The following RPS6KA2 variants were observed in gnomAD, a reference collection of about 807,000 sequenced individuals.
The protein encoded by RPS6KA2 is ribosomal protein S6 kinase A2.
Under a neutral mutation model 91.8 loss-of-function variants are expected in RPS6KA2, and 42 were observed. That is an observed-to-expected ratio of 0.46 (90% confidence interval 0.36 to 0.59). The LOEUF (loss-of-function observed/expected upper bound fraction) is 0.59, where lower values mean the gene tolerates loss of function less well. RPS6KA2 is among the 20% of genes least tolerant of loss of function. The pLI is 0.00. For synonymous variants in RPS6KA2, 414 were observed against 393.6 expected, an observed-to-expected ratio of 1.05 and a Z score of -0.61; for missense variants, 798 against 978.5, an observed-to-expected ratio of 0.82 and a Z score of 2.46.
At chr6:166,838,904 A>G (rs1343356355) in intron 2 of RPS6KA2, among the ~76,000 whole-genome samples, 1 of 137,740 alleles carries the variant, frequency 7.3e-6, no homozygotes, top group Non-Finnish European at 1.5e-5. Flanking sequence ...GGAAGGCAGC[A>G]GGTCAGAGTC....
Position 166,719,320 on chromosome 6 carries a change from T to G in RPS6KA2, c.123+138880A>C, listed in dbSNP as rs1010416136. 4.6e-5 allele frequency among the ~76,000 whole-genome samples: 7 copies of G among 152,374 alleles called. 1 individual carries two copies. The highest frequency in any genetic ancestry group is 4.1e-4 in the South Asian group (2 of 4,832). On this transcript the variant is annotated intron_variant, in intron 2 of 21. Transcript: ENST00000503859. ...TCCACAAATGCTTATTTATGGACAT[T>G]GAGATTTGAATTTCATACAATTTTT... is the stretch of plus-strand genomic sequence containing the variant.
intron 2 of RPS6KA2, among the ~76,000 whole-genome samples, chr6:166,756,441 C>T (rs757604355): frequency 6.6e-6 from 1 of 152,228 alleles, no homozygotes; most frequent in Non-Finnish European, 1.5e-5. Flanking sequence ...TTACACTTAA[C>T]AGCAATTTCT....
At chr6:166,606,744 A>G (rs1479940835) in intron 1 of RPS6KA2, among the ~76,000 whole-genome samples, 1 of 152,238 alleles carries the variant, frequency 6.6e-6, no homozygotes, top group Admixed American at 6.5e-5. Context: ...GATGCTCTAC[A>G]TCATTTGTCA....
chr6:166,470,890 T>C (rs1323924281), intron 10 of RPS6KA2, among the ~76,000 whole-genome samples: 1 of 152,224 alleles, frequency 6.6e-6, no homozygotes, highest in Non-Finnish European at 1.5e-5. Context: ...TCTAGGACTC[T>C]GTGTTTTCTC....
At chr6:166,546,256 G>C (rs1783824692) in intron 1 of RPS6KA2, among the ~76,000 whole-genome samples, 2 of 152,170 alleles carry the variant, frequency 1.3e-5, no homozygotes, top group African/African-American at 2.4e-5. Context: ...CACGAATGCA[G>C]ATTAGGTCAA....
intron 2 of RPS6KA2, among the ~76,000 whole-genome samples, chr6:166,780,971 C>T (rs776724351): frequency 1.3e-5 from 2 of 152,236 alleles, no homozygotes; most frequent in Admixed American, 6.5e-5. Context: ...GATATTCGGA[C>T]ACTTCGCTAG....
At chr6:166,591,774 G>C (rs1785362082) in intron 1 of RPS6KA2, among the ~76,000 whole-genome samples, 2 of 152,204 alleles carry the variant, frequency 1.3e-5, no homozygotes, top group African/African-American at 4.8e-5. Flanking sequence ...GTTTCTTACA[G>C]TAGCCCCAGA....
intron 2 of RPS6KA2, among the ~76,000 whole-genome samples, chr6:166,718,322 A>G (rs1030292981): frequency 6.6e-6 from 1 of 152,178 alleles, no homozygotes; most frequent in Non-Finnish European, 1.5e-5. Context: ...GGGGGAGGTT[A>G]GTCCCCACAG....
intron 2 of RPS6KA2, among the ~76,000 whole-genome samples, chr6:166,719,079 G>A (rs946211276): frequency 6.6e-6 from 1 of 152,200 alleles, no homozygotes; most frequent in Non-Finnish European, 1.5e-5. Context: ...CACAACCTCT[G>A]TCACGCCTGC....
rs1781758362 is a variant in RPS6KA2 at position 166,495,659 on chromosome 6, T to C, written c.747+2849A>G. On this transcript the variant is annotated intron_variant, in intron 8 of 20. Coordinates refer to ENST00000265678, the MANE Select transcript of RPS6KA2 (RefSeq NM_021135.6). This position sits in a 1 kb window ranked among gnomAD's most constrained non-coding sequence, Gnocchi z 4.4. ...GGCCAGGTGCAGGCACTTTTGTCTG[T>C]GCTGGGGCATCTTGGGTAAGGTGAC... Among the ~76,000 whole-genome samples, 1 of 152,180 alleles carries C rather than the reference T, an allele frequency of 6.6e-6. No individual in the cohort carries two copies. The highest frequency in any genetic ancestry group is 2.4e-5 in the African/African-American group (1 of 41,432).
At chr6:166,439,264 T>C (rs1216132934) in intron 14 of RPS6KA2, among the ~76,000 whole-genome samples, 3 of 152,164 alleles carry the variant, frequency 2.0e-5, no homozygotes, top group African/African-American at 4.8e-5. Context: ...CGCGCCACCA[T>C]GCCTGGCTAA....
intron 2 of RPS6KA2, among the ~76,000 whole-genome samples, chr6:166,689,704 A>G (rs771585568): frequency 6.6e-6 from 1 of 152,190 alleles, no homozygotes; most frequent in Non-Finnish European, 1.5e-5. Flanking sequence ...GGGCATTTTA[A>G]TAAATGTCCC....
At chr6:166,604,235 G>A (rs1482914244) in intron 1 of RPS6KA2, among the ~76,000 whole-genome samples, 2 of 152,140 alleles carry the variant, frequency 1.3e-5, no homozygotes, top group East Asian at 1.9e-4. Flanking sequence ...CATTGTTTTC[G>A]TATCAGTGTT....
At chr6:166,487,293 C>T (rs913232451) in intron 10 of RPS6KA2, among the ~76,000 whole-genome samples, 4 of 152,218 alleles carry the variant, frequency 2.6e-5, no homozygotes, top group African/African-American at 4.8e-5. Context: ...CAGACAGTGA[C>T]GGCAGAACAC....
chr6:166,702,758 G>C, intron 2 of RPS6KA2: 1 of 1,219,014 alleles, frequency 8.2e-7, no homozygotes, highest in South Asian at 1.2e-5. Context: ...CCCGACACGG[G>C]GATCTTGGCG....
At chr6:166,797,914 G>T (rs193148167) in intron 2 of RPS6KA2, among the ~76,000 whole-genome samples, 4 of 152,220 alleles carry the variant, frequency 2.6e-5, no homozygotes, top group East Asian at 3.9e-4. Context: ...GGAGGTAAAA[G>T]AATCAAACCT....
At position 166,494,867 on chromosome 6, in the gene RPS6KA2, T is replaced by C. The variant is rs958192715; in HGVS notation, c.747+3641A>G. Among the ~76,000 whole-genome samples, 1 of 152,184 alleles carries C rather than the reference T, an allele frequency of 6.6e-6. No homozygotes were observed. The highest frequency in any genetic ancestry group is 1.9e-4 in the East Asian group (1 of 5,194). ...CACGCGGCCTCCAGGGTCTCAGCCT[T>C]CTTTTAAAACAAGGCCCCTCACACG... On this transcript the variant is annotated intron_variant, in intron 8 of 20. Coordinates refer to ENST00000265678, the MANE Select transcript of RPS6KA2 (RefSeq NM_021135.6). The surrounding 1 kb of genome is among the most constrained non-coding windows in gnomAD (Gnocchi z 5.1).
chr6:166,795,502 C>T (rs1253475093), intron 2 of RPS6KA2, among the ~76,000 whole-genome samples: 4 of 152,214 alleles, frequency 2.6e-5, no homozygotes, highest in African/African-American at 7.2e-5. Context: ...ACCTGACAGC[C>T]GATCGCAGCT....
Position 166,418,415 on chromosome 6 carries a change from C to A in RPS6KA2, c.1821-73G>T. The stretch of plus-strand genomic sequence containing the variant: ...TAAAATAAAGTTTGCAAGTTGATAT[C>A]ACCCCTTGGCTGTTCAAAGGAATAG... On this transcript the variant is annotated intron_variant, in intron 18 of 20. Transcript: ENST00000265678. This position sits in a 1 kb window ranked among gnomAD's most constrained non-coding sequence, Gnocchi z 4.9. 1 of 1,094,688 alleles carries A rather than the reference C, an allele frequency of 9.1e-7. No individual in the cohort carries two copies. The highest frequency in any genetic ancestry group is 1.3e-5 in the South Asian group (1 of 78,156). 67.8% of individuals were successfully genotyped at this position (1,094,688 alleles called of 1,614,324 possible).
Sources: allele counts gnomAD v4.1 joint callset (sites outside exome capture counted in the v4.1 genomes callset), GRCh38; gene constraint gnomAD v4.1.1; non-coding constraint Gnocchi (gnomAD v3.1); transcripts MANE v1.5; gene names NCBI Gene and HGNC (gene_info 2026-07-23, HGNC 2026-07-21).